GRIA4: variants seen among roughly 807,000 people sequenced by gnomAD.
GRIA4 encodes glutamate ionotropic receptor AMPA type subunit 4.
Under a neutral mutation model 104.0 loss-of-function variants are expected in GRIA4, and 34 were observed. The observed-to-expected ratio is 0.33, with a 90% CI of 0.25 to 0.44. GRIA4 has a LOEUF of 0.44. GRIA4 is among the 20% of genes least tolerant of loss of function. GRIA4 has a pLI of 1.00. For synonymous variants in GRIA4, 386 were observed against 381.9 expected, an observed-to-expected ratio of 1.01 and a Z score of -0.13; for missense variants, 750 against 1,096.5, an observed-to-expected ratio of 0.68 and a Z score of 4.46.
chr11:105,880,522 C>A (rs1443778336), intron 5 of GRIA4, among the ~76,000 whole-genome samples: 1 of 152,086 alleles, frequency 6.6e-6, no homozygotes, highest in East Asian at 1.9e-4. Context: ...GTTTGCTAAT[C>A]AATAAAATTG....
At chr11:105,808,444 T>C (rs574314467) in intron 4 of GRIA4, among the ~76,000 whole-genome samples, 2 of 152,208 alleles carry the variant, frequency 1.3e-5, no homozygotes, top group African/African-American at 4.8e-5. Context: ...GTTATGGTAC[T>C]AAGACTTTTC....
chr11:105,744,520 C>T (rs1939523134), intron 3 of GRIA4, among the ~76,000 whole-genome samples: 1 of 152,110 alleles, frequency 6.6e-6, no homozygotes, highest in Admixed American at 6.6e-5. Flanking sequence ...CATAGTAGTA[C>T]TAATACGGAG....
intron 3 of GRIA4, among the ~76,000 whole-genome samples, chr11:105,717,235 C>A (rs1006099035): frequency 6.6e-6 from 1 of 152,014 alleles, no homozygotes; most frequent in Non-Finnish European, 1.5e-5. Flanking sequence ...AAAATTCATT[C>A]TTTCATTTCA....
At chr11:105,688,156 C>CTATATCTATATCTATATCTATCTA in intron 3 of GRIA4, among the ~76,000 whole-genome samples, 1 of 72,774 alleles carries the variant, frequency 1.4e-5, no homozygotes, top group South Asian at 5.1e-4. Context: ...ATATCTATAT[C>CTATATCTATATCTATATCTATCTA]TCTATCTATC....
At chr11:105,663,147 A>T (rs1182386702) in intron 3 of GRIA4, among the ~76,000 whole-genome samples, 1 of 150,180 alleles carries the variant, frequency 6.7e-6, no homozygotes, top group Admixed American at 6.8e-5. Context: ...ATATAACTTT[A>T]TATCAAGTTC....
At chr11:105,800,454 G>C (rs1382093789) in intron 4 of GRIA4, among the ~76,000 whole-genome samples, 2 of 152,138 alleles carry the variant, frequency 1.3e-5, no homozygotes, top group East Asian at 3.9e-4. Flanking sequence ...ATGATAATGT[G>C]TCAAGGTACC....
chr11:105,833,511 T>C (rs1251086550), intron 4 of GRIA4, among the ~76,000 whole-genome samples: 1 of 151,932 alleles, frequency 6.6e-6, no homozygotes, highest in Non-Finnish European at 1.5e-5. Flanking sequence ...GTTCAAAAAA[T>C]AATGCTATTT....
chr11:105,642,010 G>T (rs958291779), intron 3 of GRIA4, among the ~76,000 whole-genome samples: 2 of 152,044 alleles, frequency 1.3e-5, no homozygotes, highest in African/African-American at 4.8e-5. Flanking sequence ...TTATCTCCCT[G>T]TGTCTTAATA....
intron 3 of GRIA4, among the ~76,000 whole-genome samples, chr11:105,700,836 A>G (rs939563126): frequency 6.6e-6 from 1 of 152,076 alleles, no homozygotes; most frequent in African/African-American, 2.4e-5. Context: ...GTTCCTCTCC[A>G]GTGTATTCAC....
chr11:105,819,091 G>T (rs892426111), intron 4 of GRIA4, among the ~76,000 whole-genome samples: 3 of 152,080 alleles, frequency 2.0e-5, no homozygotes, highest in African/African-American at 7.2e-5. Flanking sequence ...GTTTATTTTA[G>T]TATATAATTT....
At chr11:105,744,741 T>C (rs989126697) in intron 3 of GRIA4, among the ~76,000 whole-genome samples, 3 of 152,206 alleles carry the variant, frequency 2.0e-5, no homozygotes, top group African/African-American at 7.2e-5. Context: ...ATGCACCTTA[T>C]ACATCACATA....
chr11:105,880,764 C>G (rs1946021303), intron 5 of GRIA4, among the ~76,000 whole-genome samples: 1 of 151,912 alleles, frequency 6.6e-6, no homozygotes, highest in African/African-American at 2.4e-5. Context: ...GACAGTAAAC[C>G]TTTTTCAACA....
intron 4 of GRIA4, among the ~76,000 whole-genome samples, chr11:105,754,132 G>C (rs1165068197): frequency 6.6e-6 from 1 of 152,060 alleles, no homozygotes; most frequent in Admixed American, 6.6e-5. Flanking sequence ...TTGGTAACAA[G>C]CTCCCATCTT....
intron 6 of GRIA4, among the ~76,000 whole-genome samples, chr11:105,892,249 A>G (rs1021696025): frequency 1.4e-4 from 21 of 152,192 alleles, no homozygotes; most frequent in Admixed American, 1.2e-3. Flanking sequence ...AATAATTTAA[A>G]TATGGCCACC....
At chr11:105,610,574 G>T in intron 1 of GRIA4, 146 bp downstream of exon 1, 1 of 166,674 alleles carries the variant, frequency 6.0e-6, no homozygotes, top group South Asian at 1.5e-4. Flanking sequence ...GCGAGCTGGA[G>T]AGCGCGTGTG....
intron 4 of GRIA4, among the ~76,000 whole-genome samples, chr11:105,831,439 A>G (rs1329866314): frequency 6.6e-6 from 1 of 152,042 alleles, no homozygotes; most frequent in African/African-American, 2.4e-5. Context: ...CAGGAATAGC[A>G]TGAGCATACG....
At chr11:105,849,887 G>A (rs953110245) in intron 4 of GRIA4, among the ~76,000 whole-genome samples, 1 of 152,086 alleles carries the variant, frequency 6.6e-6, no homozygotes, top group African/African-American at 2.4e-5. Flanking sequence ...TTTATTAAAA[G>A]GATTTGAACT....
intron 3 of GRIA4, among the ~76,000 whole-genome samples, chr11:105,638,271 T>G (rs534860498): frequency 6.6e-6 from 1 of 152,098 alleles, no homozygotes; most frequent in Admixed American, 6.6e-5. Flanking sequence ...ATAGGAACAG[T>G]GAAAGATGGA....
chr11:105,683,827 G>C (rs746698875), intron 3 of GRIA4, among the ~76,000 whole-genome samples: 2 of 151,762 alleles, frequency 1.3e-5, no homozygotes, highest in Non-Finnish European at 2.9e-5. Context: ...AGTCGTAATG[G>C]AATTAAATGC....
Sources: allele counts gnomAD v4.1 joint callset (sites outside exome capture counted in the v4.1 genomes callset), GRCh38; gene constraint gnomAD v4.1.1; transcripts MANE v1.5; gene names NCBI Gene and HGNC (gene_info 2026-07-23, HGNC 2026-07-21).